Variants in CASP8 observed in about 807,000 individuals in gnomAD.
The protein encoded by CASP8 is caspase-8.
Under a neutral mutation model 46.3 loss-of-function variants are expected in CASP8, and 24 were observed. The observed-to-expected ratio is 0.52, with a 90% CI of 0.38 to 0.73. The LOEUF (loss-of-function observed/expected upper bound fraction) is 0.73, where lower values mean the gene tolerates loss of function less well. CASP8 is among the 30% of genes least tolerant of loss of function. CASP8 has a pLI of 0.00. For missense variants in CASP8, 460 were observed against 559.0 expected (o/e 0.82, Z 1.79); for synonymous variants, 188 against 200.4 (o/e 0.94, Z 0.52).
At chr2:201,254,939 A>G (rs1477950313) in intron 2 of CASP8, among the ~76,000 whole-genome samples, 6 of 152,346 alleles carry the variant, frequency 3.9e-5, no homozygotes, top group African/African-American at 1.4e-4. Context: ...AGGACCATGC[A>G]CATTATTAAT....
chr2:201,277,065 T>G, intron 7 of CASP8, 97 bp downstream of exon 7: 1 of 844,228 alleles, frequency 1.2e-6, no homozygotes, highest in Non-Finnish European at 2.0e-6. Flanking sequence ...AAAAGGGCCA[T>G]GTTTCAAGAA....
chr2:201,279,252 C>A (rs1483293837), intron 7 of CASP8, among the ~76,000 whole-genome samples: 3 of 152,206 alleles, frequency 2.0e-5, no homozygotes, highest in Non-Finnish European at 4.4e-5. Flanking sequence ...TCATAAGGAA[C>A]AGGAAGTTTG....
At chr2:201,250,045 G>A (rs929785512) in intron 2 of CASP8, among the ~76,000 whole-genome samples, 8 of 152,208 alleles carry the variant, frequency 5.3e-5, no homozygotes, top group Non-Finnish European at 1.2e-4. Flanking sequence ...GTTTGATGTA[G>A]GTTTGATAAA....
At chr2:201,281,177 G>C (rs1948977072) in intron 7 of CASP8, among the ~76,000 whole-genome samples, 2 of 152,080 alleles carry the variant, frequency 1.3e-5, no homozygotes, top group Non-Finnish European at 2.9e-5. Flanking sequence ...AGCTGGGTGT[G>C]GTGGTGCGTG....
intron 2 of CASP8, among the ~76,000 whole-genome samples, chr2:201,247,795 C>A (rs1946601104): frequency 6.6e-6 from 1 of 152,182 alleles, no homozygotes; most frequent in Admixed American, 6.5e-5. Flanking sequence ...CAGGTGCCCG[C>A]CACCACACCT....
chr2:201,266,332 T>G lies in CASP8; in HGVS notation c.-26-129T>G. 1 of 714,794 alleles carries G rather than the reference T, an allele frequency of 1.4e-6. No homozygotes were observed. Among genetic ancestry groups the G allele is most frequent in the Non-Finnish European group, 2.4e-6 (1 of 417,204 alleles). The allele number at this position is 714,794 out of a possible 1,614,324, so 44.3% of individuals were successfully genotyped here. ...AAACAGTAAGAGGGAACTTGTCTGGTGTTCTTTTTTTCTCTCCTGTGCTGA... is the reference window on the plus strand; with the variant it reads ...AAACAGTAAGAGGGAACTTGTCTGGGGTTCTTTTTTTCTCTCCTGTGCTGA... On this transcript the variant is annotated intron_variant, in intron 1 of 8. Transcript: ENST00000673742. The surrounding 1 kb of genome is among the most constrained non-coding windows in gnomAD (Gnocchi z 5.7).
intron 2 of CASP8, among the ~76,000 whole-genome samples, chr2:201,235,420 T>A (rs1440940138): frequency 2.0e-5 from 3 of 152,212 alleles, no homozygotes; most frequent in Admixed American, 1.3e-4. Context: ...ATTGTCAATA[T>A]AATTGGGCTA....
chr2:201,237,438 T>TAAAAAA (rs774127508), intron 2 of CASP8, among the ~76,000 whole-genome samples: 2 of 46,088 alleles, frequency 4.3e-5, no homozygotes, highest in African/African-American at 7.8e-5. Context: ...ATCTTCAGAG[T>TAAAAAA]AAAAAAAAAA....
At chr2:201,243,707 T>C (rs1222883503) in intron 2 of CASP8, among the ~76,000 whole-genome samples, 1 of 152,230 alleles carries the variant, frequency 6.6e-6, no homozygotes, top group Non-Finnish European at 1.5e-5. Context: ...TATTAATGTA[T>C]TGTTCCACCC....
At chr2:201,281,747 TA>T in intron 7 of CASP8, 1 of 813,304 alleles carries the variant, frequency 1.2e-6, no homozygotes, top group Non-Finnish European at 1.9e-6. Context: ...GTAGTAAGCC[TA>T]AATGATAGCT....
At chr2:201,269,420 G>A (rs1379450802) in intron 2 of CASP8, 2 of 782,424 alleles carry the variant, frequency 2.6e-6, no homozygotes, top group Non-Finnish European at 4.4e-6. Context: ...TATTCATTAA[G>A]GCGCCAGTTA....
chr2:201,237,123 C>T (rs1329790152), intron 2 of CASP8, among the ~76,000 whole-genome samples: 1 of 117,008 alleles, frequency 8.5e-6, no homozygotes, highest in Admixed American at 1.1e-4. Context: ...CAGAGTCTTG[C>T]TGTGTCGCCC....
chr2:201,266,922 C>A lies in CASP8; in HGVS notation c.305+131C>A. The A allele has an allele frequency of 1.6e-6, 1 of 643,532 alleles. No individual in the cohort carries two copies. 39.9% of individuals were successfully genotyped at this position (643,532 alleles called of 1,614,324 possible). ...CCAGCAGTGCCACAATTCTAAGCTTCTACAGAAAGACAGTAGTGCCTTGGG... is the reference window on the plus strand; with the variant it reads ...CCAGCAGTGCCACAATTCTAAGCTTATACAGAAAGACAGTAGTGCCTTGGG... On this transcript the variant is annotated intron_variant, in intron 2 of 8. Coordinates refer to ENST00000673742, the MANE Select transcript of CASP8 (RefSeq NM_001372051.1). The surrounding 1 kb of genome is among the most constrained non-coding windows in gnomAD (Gnocchi z 5.7).
intron 7 of CASP8, among the ~76,000 whole-genome samples, chr2:201,282,749 C>T (rs1949174748): frequency 1.2e-5 from 1 of 85,100 alleles, no homozygotes; most frequent in African/African-American, 3.8e-5. Flanking sequence ...GGGGTCCTCA[C>T]TTCCCAGTAG....
Position 201,271,529 on chromosome 2 carries a change from C to A in CASP8, c.319C>A (p.Gln107Lys), listed in dbSNP as rs1559356241. ...TTCCCACCACAGGGTCATGCTCTAT[C>A]AGATTTCAGAAGAAGTGAGCAGATC... ...QISAYRVMLY[Q>K]ISEEVSRSEL... The change falls in exon 3 of 9, where the codon CAG (glutamine) becomes AAG (lysine). Residue 107 changes from glutamine (Q) to lysine (K), a missense_variant. Transcript: ENST00000673742. 1.3e-6 allele frequency: 2 copies of A among 1,598,948 alleles called. No homozygotes were observed. Among genetic ancestry groups the A allele is most frequent in the South Asian group, 1.1e-5 (1 of 90,732 alleles).
In CASP8 at chr2:201,284,607, A is replaced by C. The variant is rs1420952164; in HGVS notation, c.803-209A>C. On this transcript the variant is annotated intron_variant, in intron 7 of 8. Transcript: ENST00000673742. ...CAGGAGAATCAGGCAGGGAGGTTGCAGTGAGCCGAGATGGCAGCAGTACCG... is the reference window on the plus strand; with the variant it reads ...CAGGAGAATCAGGCAGGGAGGTTGCCGTGAGCCGAGATGGCAGCAGTACCG... 8.1e-5 allele frequency among the ~76,000 whole-genome samples: 4 copies of C among 49,116 alleles called. 1 individual carries two copies. The highest frequency in any genetic ancestry group is 1.9e-4 in the Non-Finnish European group (4 of 20,806). The allele number at this position is 49,116 out of a possible 152,430, so 32.2% of individuals were successfully genotyped here.
chr2:201,262,540 G>A (rs1248004754), intron 1 of CASP8, among the ~76,000 whole-genome samples: 1 of 151,916 alleles, frequency 6.6e-6, no homozygotes, highest in Admixed American at 6.6e-5. Context: ...ATATATACAT[G>A]TGGAAAAAAA....
intron 7 of CASP8, among the ~76,000 whole-genome samples, chr2:201,283,591 C>T (rs1362569828): frequency 2.4e-5 from 2 of 82,132 alleles, no homozygotes; most frequent in Non-Finnish European, 5.7e-5. Flanking sequence ...ACCTCCCTCC[C>T]GGACGGGGCG....
At chr2:201,257,869 G>A (rs1947100188), upstream of CASP8, 1 of 315,820 alleles carries the variant, frequency 3.2e-6, no homozygotes, top group East Asian at 8.9e-5. Context: ...GCCACCGACA[G>A]GGGTTATTAT....
Sources: allele counts gnomAD v4.1 joint callset (sites outside exome capture counted in the v4.1 genomes callset), GRCh38; gene constraint gnomAD v4.1.1; non-coding constraint Gnocchi (gnomAD v3.1); transcripts MANE v1.5; gene names NCBI Gene and HGNC (gene_info 2026-07-23, HGNC 2026-07-21).